Variants in MIDN observed in about 807,000 individuals in gnomAD.
MIDN encodes the protein midnolin.
In MIDN, 26 loss-of-function variants were observed where a neutral mutation model predicts 46.1. The ratio of observed to expected loss-of-function variants is 0.56; its 90% CI spans 0.41 to 0.78. MIDN has a LOEUF of 0.78. Ranked by LOEUF, MIDN falls within the 30% of genes least tolerant of loss-of-function variation. The pLI is 0.00. For missense variants in MIDN, 850 were observed against 771.8 expected, an observed-to-expected ratio of 1.10 and a Z score of -1.20; for synonymous variants, 432 against 343.3, an observed-to-expected ratio of 1.26 and a Z score of -2.86.
intron 8 of MIDN, among the ~76,000 whole-genome samples, chr19:1,256,150 C>T (rs968209170): frequency 2.6e-5 from 4 of 152,262 alleles, no homozygotes; most frequent in African/African-American, 4.8e-5. Context: ...TGCCCTTGGG[C>T]TCTGCACCCG....
At position 1,250,161 on chromosome 19, in the gene MIDN, C is replaced by G. The variant is rs761342877; in HGVS notation, c.-136C>G. On this transcript the variant is annotated 5_prime_UTR_variant, in exon 2 of 9. Coordinates refer to ENST00000682408, the MANE Select transcript of MIDN (RefSeq NM_001388306.1). ...TCGCATTCCGCGGCCGGGACTTTCT[C>G]GAGGAGGACGCGCGCTGCTCCGCGC... is the stretch of plus-strand genomic sequence containing the variant. The G allele has an allele frequency of 9.5e-6, 2 of 211,384 alleles. No homozygotes were observed. Among genetic ancestry groups the G allele is most frequent in the Non-Finnish European group, 1.6e-5 (2 of 122,530 alleles). The allele number at this position is 211,384 out of a possible 1,614,324, so 13.1% of individuals were successfully genotyped here. A position where few individuals can be genotyped will look rare whatever the true frequency, so the allele number is the denominator to read the frequency against.
chr19:1,255,196 C>A, intron 7 of MIDN, 135 bp downstream of exon 7: 1 of 1,186,802 alleles, frequency 8.4e-7, no homozygotes, highest in Non-Finnish European at 1.2e-6. Context: ...TTCACATGTC[C>A]CCCAGGAATC....
Position 1,254,149 on chromosome 19 carries a change from G to A in MIDN, c.514-18G>A, listed in dbSNP as rs756822873. Reference sequence around the variant, plus strand: ...CCGCAAGCTGGGGCTCCCAGCTGACGGACCGCTCTCCTTGCAGGTCAGTGA... The same window carrying A: ...CCGCAAGCTGGGGCTCCCAGCTGACAGACCGCTCTCCTTGCAGGTCAGTGA... On this transcript the variant is annotated intron_variant, in intron 5 of 8. Coordinates refer to ENST00000682408, the MANE Select transcript of MIDN (RefSeq NM_001388306.1). 30 of 1,586,948 alleles carry A rather than the reference G, an allele frequency of 1.9e-5. No individual in the cohort carries two copies. In the South Asian group the frequency reaches 2.4e-4, roughly 12 times the overall value.
Position 1,255,032 on chromosome 19 carries a change from C to A in MIDN, c.956C>A (p.Ala319Asp). 6.2e-7 allele frequency: 1 copy of A among 1,613,138 alleles called. No individual in the cohort carries two copies. Among genetic ancestry groups the A allele is most frequent in the East Asian group, 2.2e-5 (1 of 44,882 alleles). Residue 319 changes from alanine (A) to aspartate (D), a missense_variant, in exon 7 of 9, where the codon GCC (alanine) becomes GAC (aspartate). Coordinates refer to ENST00000682408, the MANE Select transcript of MIDN (RefSeq NM_001388306.1). ...GAVIESFVNH[A>D]PGVFSGTFSG... ...GTCATCGAGAGCTTTGTGAATCACGCCCCGGGGGTCTTCTCAGGGACCTTC... is the reference window on the plus strand; with the variant it reads ...GTCATCGAGAGCTTTGTGAATCACGACCCGGGGGTCTTCTCAGGGACCTTC...
At position 1,250,540 on chromosome 19, in the gene MIDN, C is replaced by G. The variant is rs2145484750; in HGVS notation, c.233+11C>G. 1 of 1,209,754 alleles carries G rather than the reference C, an allele frequency of 8.3e-7. No individual in the cohort carries two copies. The highest frequency in any genetic ancestry group is 3.8e-5 in the East Asian group (1 of 26,046). 74.9% of individuals were successfully genotyped at this position (1,209,754 alleles called of 1,614,324 possible). A position where few individuals can be genotyped will look rare whatever the true frequency, so the allele number is the denominator to read the frequency against. On this transcript the variant is annotated intron_variant, in intron 2 of 8. Coordinates refer to ENST00000682408, the MANE Select transcript of MIDN (RefSeq NM_001388306.1). ...TCTCCACAAAGACACGTAGGTACCG[C>G]GCGCCCCCGGCCGGCCGCCCCCTCG...
chr19:1,250,756 GC>G (rs1281556415), intron 2 of MIDN, among the ~76,000 whole-genome samples: 3 of 151,622 alleles, frequency 2.0e-5, no homozygotes, highest in Admixed American at 6.6e-5. Context: ...GGCTTCGGCG[GC>G]CCCCCTTGGG....
At chr19:1,256,284 C>A (rs2081198067) in intron 8 of MIDN, among the ~76,000 whole-genome samples, 1 of 152,172 alleles carries the variant, frequency 6.6e-6, no homozygotes, top group African/African-American at 2.4e-5. Flanking sequence ...GAGATCGAGA[C>A]CATCTTGGCT....
chr19:1,251,409 G>T (rs58898131), intron 2 of MIDN, 153 bp from the exon 3 acceptor site: 42,238 of 637,584 alleles, frequency 0.066, 6,699 homozygotes, highest in African/African-American at 0.47. Flanking sequence ...CTCTCTGCAC[G>T]CGCTTAGGGC....
At chr19:1,249,516 C>T (rs1259380061) in intron 1 of MIDN, among the ~76,000 whole-genome samples, 1 of 150,052 alleles carries the variant, frequency 6.7e-6, no homozygotes, top group Non-Finnish European at 1.5e-5. Flanking sequence ...GGGTACCAGA[C>T]CCGTCTCCAG....
chr19:1,254,463 C>T lies in MIDN; in HGVS notation c.810C>T (p.Ser270=). The change falls in exon 6 of 9, where the codon TCC becomes TCT. Residue 270 remains serine (S), a synonymous_variant. Transcript: ENST00000682408. The part of the protein sequence containing the change: ...TAGSFRSHAA[S]TTCPEQMDCS... ...GCTCCTTCCGGTCCCACGCAGCCTCCACCACCTGCCCGGAGGTGAGCCTGG... is the reference window on the plus strand; with the variant it reads ...GCTCCTTCCGGTCCCACGCAGCCTCTACCACCTGCCCGGAGGTGAGCCTGG... 1 of 1,558,818 alleles carries T rather than the reference C, an allele frequency of 6.4e-7. No homozygotes were observed. The highest frequency in any genetic ancestry group is 8.6e-7 in the Non-Finnish European group (1 of 1,159,186).
intron 4 of MIDN, among the ~76,000 whole-genome samples, chr19:1,252,313 G>A (rs952713491): frequency 1.3e-5 from 2 of 152,056 alleles, no homozygotes; most frequent in African/African-American, 4.8e-5. Context: ...TGGGGGTGGC[G>A]GCTTGGGTGA....
Position 1,252,691 on chromosome 19 carries a change from G to A in MIDN, c.384+790G>A, listed in dbSNP as rs1034659229. ...GGGTGGGGGACGCAGGCTGCCACCC[G>A]CCCCAGCAAGGGGTGGCCGGCTTCC... On this transcript the variant is annotated intron_variant, in intron 4 of 8. Transcript: ENST00000682408. 5.9e-5 allele frequency among the ~76,000 whole-genome samples: 9 copies of A among 152,150 alleles called. No homozygotes were observed. In the East Asian group the frequency reaches 1.4e-3, roughly 23 times the overall value.
In MIDN at chr19:1,257,845, G is replaced by A. The variant is rs1484442860; in HGVS notation, c.*573G>A. On this transcript the variant is annotated 3_prime_UTR_variant, in exon 9 of 9. Coordinates refer to ENST00000682408, the MANE Select transcript of MIDN (RefSeq NM_001388306.1). ...CCACTGGGCTACAGCAAGCCAACAG[G>A]TCACAGAAGCCAACGAGGGGACTGT... 1 of 152,772 alleles carries A rather than the reference G, an allele frequency of 6.5e-6. No individual in the cohort carries two copies. The highest frequency in any genetic ancestry group is 1.5e-5 in the Non-Finnish European group (1 of 68,256). The allele number at this position is 152,772 out of a possible 1,614,324, so 9.5% of individuals were successfully genotyped here. A position where few individuals can be genotyped will look rare whatever the true frequency, so the allele number is the denominator to read the frequency against.
chr19:1,252,133 C>T (rs542345458), intron 4 of MIDN, among the ~76,000 whole-genome samples: 2 of 152,308 alleles, frequency 1.3e-5, no homozygotes, highest in South Asian at 4.1e-4. Context: ...GGGAAGGGGG[C>T]CTGGCTTTCA....
At chr19:1,252,294 G>C (rs887333659) in intron 4 of MIDN, among the ~76,000 whole-genome samples, 3 of 152,054 alleles carry the variant, frequency 2.0e-5, no homozygotes, top group Non-Finnish European at 4.4e-5. Flanking sequence ...TTACATTTCT[G>C]CTGAGGGCTG....
At chr19:1,252,558 T>C (rs1012616014) in intron 4 of MIDN, among the ~76,000 whole-genome samples, 1 of 152,086 alleles carries the variant, frequency 6.6e-6, no homozygotes, top group African/African-American at 2.4e-5. Context: ...TTTTTTTTTT[T>C]TCTCCTTCTT....
intron 4 of MIDN, 38 bp downstream of exon 4, chr19:1,251,939 T>A: frequency 6.3e-7 from 1 of 1,584,204 alleles, no homozygotes; most frequent in Non-Finnish European, 8.7e-7. Flanking sequence ...AGGGCAGCCC[T>A]GGGAGCAGGG....
intron 8 of MIDN, among the ~76,000 whole-genome samples, chr19:1,256,428 G>A (rs1182025382): frequency 6.7e-6 from 1 of 150,256 alleles, no homozygotes; most frequent in African/African-American, 2.5e-5. Flanking sequence ...CTTGCAGTGA[G>A]CCGAGATCGC....
chr19:1,253,347 A>G (rs1171417685), intron 4 of MIDN, among the ~76,000 whole-genome samples: 2 of 151,474 alleles, frequency 1.3e-5, no homozygotes, highest in East Asian at 3.9e-4. Flanking sequence ...TGGAGAGGAG[A>G]GCCGGGAGGG....
Sources: allele counts gnomAD v4.1 joint callset (sites outside exome capture counted in the v4.1 genomes callset), GRCh38; gene constraint gnomAD v4.1.1; transcripts MANE v1.5; gene names NCBI Gene and HGNC (gene_info 2026-07-23, HGNC 2026-07-21).